The following TNFRSF9 variants were observed in gnomAD, a reference collection of about 807,000 sequenced individuals.
The protein encoded by TNFRSF9 is tumor necrosis factor receptor superfamily member 9.
TNFRSF9 carries 16 observed loss-of-function variants against 28.8 expected under a neutral mutation model. The observed-to-expected ratio is 0.55, with a 90% CI of 0.38 to 0.84. The LOEUF (loss-of-function observed/expected upper bound fraction) is 0.84, where lower values mean the gene tolerates loss of function less well. Among genes scored for constraint, TNFRSF9 ranks in the 40% least tolerant of loss-of-function variants. The pLI, the probability that TNFRSF9 is intolerant of heterozygous loss-of-function variation, is 0.00. For missense variants in TNFRSF9, 303 were observed against 315.0 expected (o/e 0.96, Z 0.29); for synonymous variants, 131 against 117.0 (o/e 1.12, Z -0.77).
chr1:7,926,709 T>C (rs1639661008), intron 7 of TNFRSF9, among the ~76,000 whole-genome samples: 1 of 152,076 alleles, frequency 6.6e-6, no homozygotes, highest in Non-Finnish European at 1.5e-5. Flanking sequence ...ATCAAGGCTG[T>C]GTGGTATTGG....
At chr1:7,939,823 C>G in intron 2 of TNFRSF9, 72 bp downstream of exon 2, 1 of 1,193,724 alleles carries the variant, frequency 8.4e-7, no homozygotes. Context: ...GCTCGTTAGC[C>G]CTGACTACTA....
chr1:7,925,185 G>A (rs1451398993), intron 7 of TNFRSF9, among the ~76,000 whole-genome samples: 1 of 151,934 alleles, frequency 6.6e-6, no homozygotes, highest in Non-Finnish European at 1.5e-5. Flanking sequence ...GCAGCTGCCT[G>A]TAGTCCCAGC....
chr1:7,938,157 A>G (rs1218619651), intron 4 of TNFRSF9, 36 bp downstream of exon 4: 2 of 1,508,592 alleles, frequency 1.3e-6, no homozygotes, highest in Non-Finnish European at 8.9e-7. Flanking sequence ...TGTCTATGTC[A>G]CAAAACTACA....
chr1:7,939,422 A>G (rs982389227), intron 2 of TNFRSF9, among the ~76,000 whole-genome samples: 1 of 152,208 alleles, frequency 6.6e-6, no homozygotes, highest in Non-Finnish European at 1.5e-5. Flanking sequence ...TGAATAAAAC[A>G]AAATGATTAT....
intron 3 of TNFRSF9, 25 bp downstream of exon 3, chr1:7,938,696 G>C: frequency 6.5e-7 from 1 of 1,531,998 alleles, no homozygotes; most frequent in Non-Finnish European, 8.9e-7. Context: ...TCTTCTAGAA[G>C]AAGAAAATAT....
intron 7 of TNFRSF9, among the ~76,000 whole-genome samples, chr1:7,924,804 C>A (rs1339495225): frequency 6.6e-6 from 1 of 152,088 alleles, no homozygotes; most frequent in African/African-American, 2.4e-5. Flanking sequence ...GTGGCAGACA[C>A]CAACTCTGTG....
chr1:7,926,359 A>T lies in TNFRSF9; in HGVS notation c.680-5436T>A, dbSNP rs1303286011. Among the ~76,000 whole-genome samples the T allele has an allele frequency of 3.3e-5, 5 of 152,210 alleles. 1 individual carries two copies. The highest frequency in any genetic ancestry group is 7.3e-5 in the Non-Finnish European group (5 of 68,034). ...GCTATACCATCCAGCCTAGGTGTAT[A>T]GTAGGCTGTACCATCTAGGTTTGCA... On this transcript the variant is annotated intron_variant, in intron 7 of 7. Coordinates refer to ENST00000377507, the MANE Select transcript of TNFRSF9 (RefSeq NM_001561.6).
intron 5 of TNFRSF9, among the ~76,000 whole-genome samples, chr1:7,936,178 G>A (rs1578077036): frequency 6.6e-6 from 1 of 152,280 alleles, no homozygotes; most frequent in East Asian, 1.9e-4. Flanking sequence ...CACTTTGGGA[G>A]GCCAAGGCAA....
chr1:7,936,514 G>A (rs184237313), intron 5 of TNFRSF9: 8 of 152,688 alleles, frequency 5.2e-5, no homozygotes, highest in Admixed American at 2.6e-4. Context: ...CGAGAAAATA[G>A]TCAATACTTT....
chr1:7,933,197 C>T lies in TNFRSF9; in HGVS notation c.644G>A (p.Arg215Gln), dbSNP rs753016242. Residue 215 changes from arginine (R) to glutamine (Q), a missense_variant, in exon 7 of 8, where the codon CGG becomes CAG. Coordinates refer to ENST00000377507, the MANE Select transcript of TNFRSF9 (RefSeq NM_001561.6). Reference sequence around the variant, plus strand: ...TATATACAGGAGTTTCTTTCTGCCCCGTTTAACAACAGAGAAACGGAGCGT... The same window carrying T: ...TATATACAGGAGTTTCTTTCTGCCCTGTTTAACAACAGAGAAACGGAGCGT... ...FLTLRFSVVK[R>Q]GRKKLLYIFK... 37 of 1,613,642 alleles carry T rather than the reference C, an allele frequency of 2.3e-5. No homozygotes were observed. Among genetic ancestry groups the T allele is most frequent in the Non-Finnish European group, 3.0e-5 (35 of 1,179,862 alleles).
At chr1:7,939,056 A>G (rs1449721608) in intron 2 of TNFRSF9, among the ~76,000 whole-genome samples, 2 of 152,226 alleles carry the variant, frequency 1.3e-5, no homozygotes, top group African/African-American at 4.8e-5. Flanking sequence ...GCAGTGGCTC[A>G]CGCCTGTAAT....
Position 7,920,861 on chromosome 1 carries a change from C to A in TNFRSF9, c.742G>T (p.Glu248Ter). The A allele has an allele frequency of 1.9e-6, 3 of 1,613,844 alleles. No homozygotes were observed. Among genetic ancestry groups the A allele is most frequent in the East Asian group, 2.2e-5 (1 of 44,886 alleles). ...CACAGTTCACATCCTCCTTCTTCTTCTTCTGGAAATCGGCAGCTACAGCCA... is the reference window on the plus strand; with the variant it reads ...CACAGTTCACATCCTCCTTCTTCTTATTCTGGAAATCGGCAGCTACAGCCA... ...EDGCSCRFPE[E>*]EEGGCEL Residue 248 changes from glutamate to a stop codon, truncating the protein, a stop_gained, in exon 8 of 8, where the codon GAA becomes TAA. Coordinates refer to ENST00000377507, the MANE Select transcript of TNFRSF9 (RefSeq NM_001561.6). LOFTEE classifies it high-confidence loss of function.
intron 6 of TNFRSF9, among the ~76,000 whole-genome samples, chr1:7,933,739 G>A (rs1639771057): frequency 6.6e-6 from 1 of 151,452 alleles, no homozygotes; most frequent in Admixed American, 6.6e-5. Flanking sequence ...CTTAATGGCA[G>A]GGAGCGGTGG....
chr1:7,938,857 G>A lies in TNFRSF9; in HGVS notation c.101-29C>T, dbSNP rs186734516. On this transcript the variant is annotated intron_variant, in intron 2 of 7. Coordinates refer to ENST00000377507, the MANE Select transcript of TNFRSF9 (RefSeq NM_001561.6). Reference sequence around the variant, plus strand: ...AGAAAGGCAGACAATAGTGGTACACGTTTGACAATGGGCAATCGTCACCCA... The same window carrying A: ...AGAAAGGCAGACAATAGTGGTACACATTTGACAATGGGCAATCGTCACCCA... 330 of 1,496,570 alleles carry A rather than the reference G, an allele frequency of 2.2e-4. No homozygotes were observed. In the Admixed American group the frequency reaches 2.4e-3, roughly 11 times the overall value. The allele number at this position is 1,496,570 out of a possible 1,614,324, so 92.7% of individuals were successfully genotyped here.
chr1:7,927,730 G>GAA lies in TNFRSF9; in HGVS notation c.679+5430_679+5431dup, dbSNP rs58915919. On this transcript the variant is annotated intron_variant, in intron 7 of 7. Transcript: ENST00000377507. ...ACTGTAAAAGTTATAAGAGATAGAG[G>GAA]AAAAAAAAAAACCCTAAATCTTTGA... is the stretch of plus-strand genomic sequence containing the variant. Among the ~76,000 whole-genome samples, 9 of 142,912 alleles carry GAA rather than the reference G, an allele frequency of 6.3e-5. No homozygotes were observed. The South Asian group carries it at 6.6e-4, about 10-fold the overall frequency. The allele number at this position is 142,912 out of a possible 152,430, so 93.8% of individuals were successfully genotyped here.
chr1:7,930,318 C>T (rs1380477639), intron 7 of TNFRSF9, among the ~76,000 whole-genome samples: 4 of 152,012 alleles, frequency 2.6e-5, no homozygotes, highest in South Asian at 2.1e-4. Flanking sequence ...TGATGGCGAG[C>T]GCGGAATCCT....
chr1:7,923,242 C>G (rs1014805702), intron 7 of TNFRSF9, among the ~76,000 whole-genome samples: 4 of 152,090 alleles, frequency 2.6e-5, no homozygotes, highest in Non-Finnish European at 5.9e-5. Flanking sequence ...TAACAAAACA[C>G]CACAAAAAAC....
intron 2 of TNFRSF9, 38 bp downstream of exon 2, chr1:7,939,857 C>T (rs551460526): frequency 1.3e-6 from 2 of 1,501,098 alleles, no homozygotes; most frequent in South Asian, 2.4e-5. Context: ...ATACTTCCAA[C>T]AGAGCAGATC....
In TNFRSF9 at chr1:7,916,794, A is replaced by G. The variant is rs1465158268; in HGVS notation, c.*4041T>C. 6.6e-6 allele frequency: 1 copy of G among 152,232 alleles called. No individual in the cohort carries two copies. Among genetic ancestry groups the G allele is most frequent in the East Asian group, 1.9e-4 (1 of 5,202 alleles). The allele number at this position is 152,232 out of a possible 1,614,324, so 9.4% of individuals were successfully genotyped here. A position where few individuals can be genotyped will look rare whatever the true frequency, so the allele number is the denominator to read the frequency against. On this transcript the variant is annotated 3_prime_UTR_variant, in exon 8 of 8. Transcript: ENST00000377507. Reference sequence around the variant, plus strand: ...TCTCTTATTCTTATTGGAACACCAGATGACTCAATTCTGTAAAATTATCAA... The same window carrying G: ...TCTCTTATTCTTATTGGAACACCAGGTGACTCAATTCTGTAAAATTATCAA...
Sources: allele counts gnomAD v4.1 joint callset (sites outside exome capture counted in the v4.1 genomes callset), GRCh38; gene constraint gnomAD v4.1.1; transcripts MANE v1.5; gene names NCBI Gene and HGNC (gene_info 2026-07-23, HGNC 2026-07-21).